Variants in RBFOX3 observed in about 807,000 individuals in gnomAD.
RBFOX3 encodes RNA binding fox-1 homolog 3.
In RBFOX3, 17 loss-of-function variants were observed where a neutral mutation model predicts 48.7. That is an observed-to-expected ratio of 0.35 (90% CI 0.24 to 0.52). The LOEUF (loss-of-function observed/expected upper bound fraction) is 0.52. Among genes scored for constraint, RBFOX3 ranks in the 20% least tolerant of loss-of-function variants. The pLI is 0.94. For missense variants in RBFOX3, 382 were observed against 497.5 expected (o/e 0.77, Z 2.21); for synonymous variants, 212 against 209.5 (o/e 1.01, Z -0.10).
chr17:79,097,256 C>T (rs1214206748), intron 11 of RBFOX3, 36 bp downstream of exon 11: 1 of 1,510,458 alleles, frequency 6.6e-7, no homozygotes, highest in Admixed American at 2.0e-5. Context: ...GCCGTCCTAC[C>T]CCCTCCTCCA....
At chr17:79,271,946 G>T (rs1600335025) in intron 3 of RBFOX3, among the ~76,000 whole-genome samples, 1 of 152,214 alleles carries the variant, frequency 6.6e-6, no homozygotes, top group African/African-American at 2.4e-5. Flanking sequence ...GCCACAGAGG[G>T]CCGGCCAGTT....
chr17:79,240,187 C>T (rs187987502), intron 3 of RBFOX3, among the ~76,000 whole-genome samples: 1 of 152,242 alleles, frequency 6.6e-6, no homozygotes, highest in African/African-American at 2.4e-5. Flanking sequence ...ACATTTCATT[C>T]TTCAGAAATT....
At position 79,421,656 on chromosome 17, in the gene RBFOX3, C is replaced by A. The variant is rs940448399; in HGVS notation, c.-175+60798G>T. Among the ~76,000 whole-genome samples the A allele has an allele frequency of 8.5e-5, 13 of 152,240 alleles. No individual in the cohort carries two copies. Among genetic ancestry groups the A allele is most frequent in the African/African-American group, 3.1e-4 (13 of 41,542 alleles). ...GGGCATGCGGGACCCCAGGGGCACA[C>A]CGAACGCGGTCACCATAGGACCAAA... On this transcript the variant is annotated intron_variant, in intron 2 of 14. Transcript: ENST00000693108. This position sits in a 1 kb window ranked among gnomAD's most constrained non-coding sequence, Gnocchi z 4.5.
chr17:79,537,962 C>T (rs1599080987), intron 1 of RBFOX3, among the ~76,000 whole-genome samples: 2 of 152,178 alleles, frequency 1.3e-5, no homozygotes, highest in Admixed American at 6.5e-5. Flanking sequence ...TCCCCTCAAA[C>T]GTGCACTGGG....
chr17:79,117,881 T>C (rs944587458), intron 4 of RBFOX3, among the ~76,000 whole-genome samples: 4 of 152,098 alleles, frequency 2.6e-5, no homozygotes, highest in South Asian at 2.1e-4. Context: ...TGTCAAACCA[T>C]TGTTACAGCA....
At chr17:79,207,646 G>C (rs1282685026) in intron 4 of RBFOX3, among the ~76,000 whole-genome samples, 2 of 152,208 alleles carry the variant, frequency 1.3e-5, no homozygotes, top group African/African-American at 2.4e-5. Context: ...TTTGGAACAC[G>C]CCCTCCTCTC....
rs748207930 is a variant in RBFOX3, at chr17:79,310,118, T to C, written c.-174-2294A>G. Among the ~76,000 whole-genome samples the C allele has an allele frequency of 1.3e-3, 204 of 152,318 alleles. 1 individual carries two copies. Among genetic ancestry groups the C allele is most frequent in the Non-Finnish European group, 4.9e-4 (33 of 68,020 alleles). On this transcript the variant is annotated intron_variant, in intron 2 of 14. Transcript: ENST00000693108. ...GAGGAATGAGGGATGAATGTGTGAA[T>C]GCACAGCTACCCCGGACGCGGTGTT...
chr17:79,412,423 G>A (rs780395689), intron 2 of RBFOX3, among the ~76,000 whole-genome samples: 17 of 151,400 alleles, frequency 1.1e-4, no homozygotes, highest in Non-Finnish European at 2.4e-4. Context: ...TGTGTGTGAG[G>A]TGTATACATG....
At chr17:79,280,505 T>A (rs1319383747) in intron 3 of RBFOX3, among the ~76,000 whole-genome samples, 1 of 152,202 alleles carries the variant, frequency 6.6e-6, no homozygotes, top group African/African-American at 2.4e-5. Flanking sequence ...GCTCAAGCTC[T>A]GTGGAGCTCC....
At chr17:79,620,456 C>G in the RBFOX3 span, among the ~76,000 whole-genome samples, 4 of 147,796 alleles carry the variant, frequency 2.7e-5, no homozygotes, top group Non-Finnish European at 4.5e-5. Context: ...CACACATGCG[C>G]ACACACATGC....
chr17:79,131,684 C>A (rs1188812280), intron 4 of RBFOX3, among the ~76,000 whole-genome samples: 1 of 152,176 alleles, frequency 6.6e-6, no homozygotes, highest in Non-Finnish European at 1.5e-5. Context: ...TTATTTTATG[C>A]ATTTAAGACC....
intron 4 of RBFOX3, among the ~76,000 whole-genome samples, chr17:79,173,235 C>T (rs925651245): frequency 6.6e-6 from 1 of 152,158 alleles, no homozygotes; most frequent in Non-Finnish European, 1.5e-5. Flanking sequence ...TACATACATA[C>T]ATACGTACAT....
At chr17:79,590,152 C>T (rs1232778163) in intron 1 of RBFOX3, among the ~76,000 whole-genome samples, 1 of 152,096 alleles carries the variant, frequency 6.6e-6, no homozygotes, top group African/African-American at 2.4e-5. Flanking sequence ...AGGCCACACA[C>T]TTCTTTACCA....
intron 1 of RBFOX3, among the ~76,000 whole-genome samples, chr17:79,529,597 A>G (rs1599052792): frequency 6.6e-6 from 1 of 152,212 alleles, no homozygotes; most frequent in Admixed American, 6.5e-5. Flanking sequence ...CGAGGCCCCA[A>G]GAGGGAAGAG....
intron 2 of RBFOX3, among the ~76,000 whole-genome samples, chr17:79,422,905 C>T (rs1555723452): frequency 1.3e-5 from 2 of 152,166 alleles, no homozygotes; most frequent in Non-Finnish European, 2.9e-5. Flanking sequence ...CTCTCTCTTC[C>T]TCTCCCTGTC....
At chr17:79,444,929 G>A (rs2071923662) in intron 2 of RBFOX3, among the ~76,000 whole-genome samples, 1 of 152,026 alleles carries the variant, frequency 6.6e-6, no homozygotes, top group African/African-American at 2.4e-5. Flanking sequence ...CCCATTCACA[G>A]TCACTGCCCA....
chr17:79,459,526 C>T (rs1568287711), intron 2 of RBFOX3, among the ~76,000 whole-genome samples: 1 of 152,166 alleles, frequency 6.6e-6, no homozygotes, highest in Non-Finnish European at 1.5e-5. Flanking sequence ...CCAGATGGTA[C>T]TCCAGGCTGC....
chr17:79,557,506 T>C (rs1940899324), intron 1 of RBFOX3, among the ~76,000 whole-genome samples: 1 of 152,088 alleles, frequency 6.6e-6, no homozygotes, highest in South Asian at 2.1e-4. Context: ...AGACCACGTC[T>C]GGGGCCGTGG....
the RBFOX3 span, among the ~76,000 whole-genome samples, chr17:79,643,751 G>A: frequency 3.3e-5 from 5 of 152,106 alleles, no homozygotes; most frequent in African/African-American, 1.2e-4. Context: ...GAACAGTAAT[G>A]AAGAAACAAA....
Sources: allele counts gnomAD v4.1 joint callset (sites outside exome capture counted in the v4.1 genomes callset), GRCh38; gene constraint gnomAD v4.1.1; non-coding constraint Gnocchi (gnomAD v3.1); transcripts MANE v1.5; gene names NCBI Gene and HGNC (gene_info 2026-07-23, HGNC 2026-07-21).